NRP1: variants seen among roughly 807,000 people sequenced by gnomAD.
NRP1 encodes the protein neuropilin-1.
In NRP1, 35 loss-of-function variants were observed where a neutral mutation model predicts 106.7. The ratio of observed to expected loss-of-function variants is 0.33; its 90% CI spans 0.25 to 0.43. The LOEUF is 0.43. Ranked by LOEUF, NRP1 falls within the 20% of genes least tolerant of loss-of-function variation. NRP1 has a pLI of 1.00. For missense variants in NRP1, 1,024 were observed against 1,170.4 expected, an observed-to-expected ratio of 0.87 and a Z score of 1.83; for synonymous variants, 437 against 417.9, an observed-to-expected ratio of 1.05 and a Z score of -0.56.
chr10:33,320,050 C>T (rs564080139), intron 2 of NRP1, among the ~76,000 whole-genome samples: 5 of 151,710 alleles, frequency 3.3e-5, no homozygotes, highest in South Asian at 2.1e-4. Flanking sequence ...TGGTGGCTCA[C>T]GCCTGTAATC....
chr10:33,330,198 A>C (rs144463063), intron 2 of NRP1, among the ~76,000 whole-genome samples: 113 of 152,250 alleles, frequency 7.4e-4, no homozygotes, highest in African/African-American at 2.6e-3. Context: ...ATTTTATTCA[A>C]TTTGCTTTTT....
intron 2 of NRP1, among the ~76,000 whole-genome samples, chr10:33,294,738 C>A (rs1845260221): frequency 1.3e-5 from 2 of 151,922 alleles, no homozygotes; most frequent in African/African-American, 4.8e-5. Context: ...TTTTGTGAAA[C>A]CCTGAAGGGT....
intron 2 of NRP1, among the ~76,000 whole-genome samples, chr10:33,301,969 G>C (rs2132708430): frequency 6.6e-6 from 1 of 152,070 alleles, no homozygotes; most frequent in East Asian, 1.9e-4. Context: ...TCTTTCCTAG[G>C]TTCTATTTCA....
intron 2 of NRP1, among the ~76,000 whole-genome samples, chr10:33,315,246 A>G (rs868829834): frequency 6.6e-6 from 1 of 152,264 alleles, no homozygotes; most frequent in Non-Finnish European, 1.5e-5. Context: ...TAAAAATTCA[A>G]GCTTTTAAAA....
chr10:33,332,849 TC>T (rs1189549152), intron 1 of NRP1, among the ~76,000 whole-genome samples: 2 of 150,708 alleles, frequency 1.3e-5, no homozygotes, highest in African/African-American at 4.9e-5. Context: ...TTTTCAGCAT[TC>T]CCCAGATTTC....
chr10:33,221,824 C>A lies in NRP1; in HGVS notation c.1177G>T (p.Ala393Ser). 1 of 1,614,016 alleles carries A rather than the reference C, an allele frequency of 6.2e-7. No homozygotes were observed. Among genetic ancestry groups the A allele is most frequent in the South Asian group, 1.1e-5 (1 of 91,068 alleles). The change falls in exon 8 of 17, where the codon GCA becomes TCA. Residue 393 changes from alanine to serine, a missense_variant. This residue lies in a region of NRP1 where 562 missense variants were observed against 620.3 expected (regional missense o/e 0.91). Transcript: ENST00000374867. ...GTTATCAGTGGTTTGGGGAATACTG[C>A]AACCACAACATCTGTGGGGTTGGTG... is the stretch of plus-strand genomic sequence containing the variant. Reference protein sequence around the residue: ...GNTNPTDVVVAVFPKPLITRF... With the variant: ...GNTNPTDVVVSVFPKPLITRF...
chr10:33,222,675 C>T (rs1391746629), intron 7 of NRP1, among the ~76,000 whole-genome samples: 4 of 152,090 alleles, frequency 2.6e-5, no homozygotes, highest in African/African-American at 9.7e-5. Flanking sequence ...TGCCCACAGC[C>T]ACACCCAGCT....
At chr10:33,236,291 A>G (rs919526741) in intron 6 of NRP1, among the ~76,000 whole-genome samples, 1 of 152,250 alleles carries the variant, frequency 6.6e-6, no homozygotes, top group Non-Finnish European at 1.5e-5. Context: ...TCAGTCTCAA[A>G]TATGTATACA....
chr10:33,248,012 G>T (rs536993246), intron 6 of NRP1, among the ~76,000 whole-genome samples: 54 of 152,178 alleles, frequency 3.5e-4, no homozygotes, highest in Admixed American at 6.5e-4. Flanking sequence ...TTTTGGCCAG[G>T]CGTGGTGGCT....
chr10:33,319,617 CCTT>C (rs970840416), intron 2 of NRP1, among the ~76,000 whole-genome samples: 18 of 139,766 alleles, frequency 1.3e-4, no homozygotes, highest in African/African-American at 5.0e-4. Context: ...GACAGTGTCT[CCTT>C]CTGTTGCCCA....
At chr10:33,202,519 A>G (rs1019943414) in intron 11 of NRP1, 6 of 1,250,728 alleles carry the variant, frequency 4.8e-6, no homozygotes, top group Non-Finnish European at 6.3e-6. Context: ...GAAAATGAAA[A>G]TAAACATTCT....
chr10:33,238,308 A>G (rs1434744384), intron 6 of NRP1, among the ~76,000 whole-genome samples: 5 of 152,236 alleles, frequency 3.3e-5, no homozygotes, highest in Non-Finnish European at 7.3e-5. Flanking sequence ...TTAAAGATTC[A>G]CGCTTCTGTT....
At chr10:33,273,957 C>A (rs1843500032) in intron 2 of NRP1, among the ~76,000 whole-genome samples, 1 of 152,084 alleles carries the variant, frequency 6.6e-6, no homozygotes, top group Admixed American at 6.5e-5. Context: ...ACTTACCACC[C>A]TCGGAATGTA....
intron 6 of NRP1, among the ~76,000 whole-genome samples, chr10:33,253,809 G>T (rs61760413): frequency 6.8e-4 from 103 of 152,282 alleles, no homozygotes; most frequent in African/African-American, 2.4e-3. Flanking sequence ...GTCATCTTGG[G>T]CCTGCTTTTC....
intron 2 of NRP1, among the ~76,000 whole-genome samples, chr10:33,313,219 G>A (rs1324773804): frequency 1.3e-5 from 2 of 152,200 alleles, no homozygotes; most frequent in African/African-American, 4.8e-5. Flanking sequence ...CTTAGGGGTT[G>A]AAAACTGACA....
intron 16 of NRP1, among the ~76,000 whole-genome samples, chr10:33,182,411 C>T (rs1249272800): frequency 6.6e-6 from 1 of 152,094 alleles, no homozygotes; most frequent in Non-Finnish European, 1.5e-5. Context: ...TTATGTTCCA[C>T]CTCTAGACTG....
intron 8 of NRP1, among the ~76,000 whole-genome samples, chr10:33,218,002 C>T (rs1466293216): frequency 6.6e-6 from 1 of 152,156 alleles, no homozygotes; most frequent in Non-Finnish European, 1.5e-5. Flanking sequence ...TTTAATCTCT[C>T]CTTGATGACT....
chr10:33,221,478 T>C (rs1839236218), intron 8 of NRP1, among the ~76,000 whole-genome samples: 1 of 152,218 alleles, frequency 6.6e-6, no homozygotes, highest in Non-Finnish European at 1.5e-5. Flanking sequence ...ATTATGACTA[T>C]TTCCCAGGTG....
At chr10:33,192,517 A>T (rs1836489890) in intron 12 of NRP1, 99 bp from the exon 13 acceptor site, 1 of 1,259,484 alleles carries the variant, frequency 7.9e-7, no homozygotes, top group Admixed American at 2.1e-5. Context: ...GGAAAGCACG[A>T]TTTATACAAC....
Sources: gnomAD v4.1 joint callset for allele counts (sites outside exome capture counted in the v4.1 genomes callset) on GRCh38, gnomAD v4.1.1 for gene constraint, gnomAD v4.1.1 regional missense constraint, MANE v1.5 for transcripts, NCBI Gene and HGNC (gene_info 2026-07-23, HGNC 2026-07-21) for gene names.